FRMD4B: variants seen among roughly 807,000 people sequenced by gnomAD.
The protein encoded by FRMD4B is FERM domain-containing protein 4B.
In FRMD4B, 74 loss-of-function variants were observed where a neutral mutation model predicts 141.5. That is an observed-to-expected ratio of 0.52 (90% CI 0.43 to 0.63). The LOEUF (loss-of-function observed/expected upper bound fraction) is 0.63. Ranked by LOEUF, FRMD4B falls within the 30% of genes least tolerant of loss-of-function variation. FRMD4B has a pLI of 0.00. For synonymous variants in FRMD4B, 506 were observed against 467.9 expected (o/e 1.08, Z -1.05); for missense variants, 1,366 against 1,253.4 (o/e 1.09, Z -1.36).
intron 1 of FRMD4B, among the ~76,000 whole-genome samples, chr3:69,356,002 G>C (rs1447772652): frequency 6.6e-6 from 1 of 151,280 alleles, no homozygotes; most frequent in Admixed American, 6.6e-5. Context: ...TCCAGCCTGG[G>C]TGACAGAGCA....
chr3:69,171,820 G>C lies in FRMD4B; in HGVS notation c.*41C>G, dbSNP rs1704504882. On this transcript the variant is annotated 3_prime_UTR_variant, in exon 23 of 23. Coordinates refer to ENST00000398540, the MANE Select transcript of FRMD4B (RefSeq NM_015123.3). ...CAAATACAATTTGCAAGGCACACTAGTGTGAGAACGCAGTGCTTGGTCAGG... is the reference window on the plus strand; with the variant it reads ...CAAATACAATTTGCAAGGCACACTACTGTGAGAACGCAGTGCTTGGTCAGG... 1.3e-6 allele frequency: 2 copies of C among 1,599,634 alleles called. No individual in the cohort carries two copies. Among genetic ancestry groups the C allele is most frequent in the African/African-American group, 2.7e-5 (2 of 74,620 alleles).
intron 1 of FRMD4B, among the ~76,000 whole-genome samples, chr3:69,345,836 C>G (rs923154487): frequency 1.6e-4 from 25 of 152,118 alleles, no homozygotes; most frequent in African/African-American, 5.6e-4. Context: ...ATCTGTACGT[C>G]ACCATCATCA....
chr3:69,447,006 C>G (rs917832904), intron 1 of FRMD4B, among the ~76,000 whole-genome samples: 1 of 151,832 alleles, frequency 6.6e-6, no homozygotes, highest in African/African-American at 2.4e-5. Flanking sequence ...TTTTTTAATG[C>G]TAGGGAAATT....
At chr3:69,313,910 C>T (rs1445303677) in intron 1 of FRMD4B, among the ~76,000 whole-genome samples, 2 of 150,452 alleles carry the variant, frequency 1.3e-5, no homozygotes, top group African/African-American at 2.4e-5. Flanking sequence ...GAGGCCGAGG[C>T]GGGCGGATCA....
chr3:69,173,853 A>G (rs1003929933), intron 22 of FRMD4B, among the ~76,000 whole-genome samples: 1 of 152,182 alleles, frequency 6.6e-6, no homozygotes, highest in East Asian at 1.9e-4. Flanking sequence ...CAGCTGCAAT[A>G]CTGGGCTGGG....
chr3:69,448,108 C>A (rs1313439627), intron 1 of FRMD4B, among the ~76,000 whole-genome samples: 1 of 151,856 alleles, frequency 6.6e-6, no homozygotes, highest in Admixed American at 6.6e-5. Context: ...CGGATCACTG[C>A]AACCTCTGTT....
intron 1 of FRMD4B, among the ~76,000 whole-genome samples, chr3:69,525,696 G>A (rs1700921218): frequency 6.6e-6 from 1 of 151,888 alleles, no homozygotes; most frequent in Admixed American, 6.6e-5. Context: ...CTTTCACCCA[G>A]TCTGGAGTGC....
At chr3:69,395,004 C>T (rs900211895) in intron 2 of FRMD4B, among the ~76,000 whole-genome samples, 9 of 151,832 alleles carry the variant, frequency 5.9e-5, no homozygotes, top group East Asian at 1.9e-4. Flanking sequence ...CATCACACAC[C>T]GGGGCTTGTC....
At chr3:69,505,610 T>C (rs889000917) in intron 1 of FRMD4B, among the ~76,000 whole-genome samples, 2 of 152,188 alleles carry the variant, frequency 1.3e-5, no homozygotes, top group Non-Finnish European at 2.9e-5. Flanking sequence ...AAATAATTTC[T>C]TATTCAGTAA....
chr3:69,217,367 T>C (rs2093151497), intron 10 of FRMD4B, among the ~76,000 whole-genome samples: 1 of 152,126 alleles, frequency 6.6e-6, no homozygotes, highest in Admixed American at 6.5e-5. Flanking sequence ...ATGCCTGTAA[T>C]CCCAGCACTT....
intron 7 of FRMD4B, among the ~76,000 whole-genome samples, chr3:69,242,478 ATTTTTTTTTTTTTTTTTTTTTTTTTTTT>A (rs71115667): frequency 2.4e-4 from 13 of 54,596 alleles, no homozygotes; most frequent in South Asian, 8.9e-4. Context: ...AAATAGCTGC[ATTTTTTTTTTTTTTTTTTTTTTTTTTTT>A]TTTTTTTTTT....
intron 1 of FRMD4B, among the ~76,000 whole-genome samples, chr3:69,318,743 T>C (rs911655039): frequency 2.0e-5 from 3 of 152,186 alleles, no homozygotes; most frequent in African/African-American, 7.2e-5. Flanking sequence ...GAATAAATAT[T>C]AGTTGATAAT....
intron 2 of FRMD4B, among the ~76,000 whole-genome samples, chr3:69,397,739 C>T (rs986157708): frequency 6.6e-6 from 1 of 151,760 alleles, no homozygotes; most frequent in Non-Finnish European, 1.5e-5. Context: ...GGAATGACTG[C>T]TAATTAGTAC....
intron 1 of FRMD4B, among the ~76,000 whole-genome samples, chr3:69,534,321 C>T (rs1391363285): frequency 6.6e-6 from 1 of 152,226 alleles, no homozygotes; most frequent in East Asian, 1.9e-4. Context: ...TAATCTTTTA[C>T]AAGACATGAA....
chr3:69,538,073 G>C (rs1354570822), intron 1 of FRMD4B, among the ~76,000 whole-genome samples: 1 of 152,316 alleles, frequency 6.6e-6, no homozygotes, highest in East Asian at 1.9e-4. Flanking sequence ...AACTGGGGAA[G>C]GGGAGTTCTT....
chr3:69,350,853 G>C (rs1219406411), intron 1 of FRMD4B, among the ~76,000 whole-genome samples: 1 of 121,894 alleles, frequency 8.2e-6, no homozygotes, highest in Admixed American at 9.2e-5. Context: ...AGGGGGGAGG[G>C]ATAGCATTAG....
chr3:69,416,474 A>G (rs529764988), intron 2 of FRMD4B, among the ~76,000 whole-genome samples: 1 of 152,292 alleles, frequency 6.6e-6, no homozygotes, highest in East Asian at 1.9e-4. Flanking sequence ...TTAGATTGCA[A>G]CCCACTGAAT....
In FRMD4B at chr3:69,366,060, AACACACACACACACACACAC is replaced by A. The variant is rs4063529; in HGVS notation, c.162+19748_162+19767del. On this transcript the variant is annotated intron_variant, in intron 1 of 22. Coordinates refer to ENST00000398540, the MANE Select transcript of FRMD4B (RefSeq NM_015123.3). Reference sequence around the variant, plus strand: ...ACATGGAAAAACCCCACCTCTACAAAACACACACACACACACACACACACACACACACACACACACACACA... The same window carrying A: ...ACATGGAAAAACCCCACCTCTACAAAACACACACACACACACACACACACA... 7.9e-5 allele frequency among the ~76,000 whole-genome samples: 10 copies of A among 127,192 alleles called. No individual in the cohort carries two copies. The East Asian group carries it at 9.5e-4, about 12-fold the overall frequency. 83.4% of individuals were successfully genotyped at this position (127,192 alleles called of 152,430 possible). A position where few individuals can be genotyped will look rare whatever the true frequency, so the allele number is the denominator to read the frequency against.
intron 1 of FRMD4B, among the ~76,000 whole-genome samples, chr3:69,466,660 A>C (rs1705792142): frequency 6.6e-6 from 1 of 152,240 alleles, no homozygotes; most frequent in South Asian, 2.1e-4. Context: ...TTTTCTCACA[A>C]CACAAAGTTA....
Sources: allele counts gnomAD v4.1 joint callset (sites outside exome capture counted in the v4.1 genomes callset), GRCh38; gene constraint gnomAD v4.1.1; transcripts MANE v1.5; gene names NCBI Gene and HGNC (gene_info 2026-07-23, HGNC 2026-07-21).